Variants in KATNIP observed in about 807,000 individuals in gnomAD.
The protein encoded by KATNIP is katanin-interacting protein.
A neutral mutation model predicts 174.0 loss-of-function variants in KATNIP; 126 were observed. The observed-to-expected ratio is 0.72, with a 90% CI of 0.63 to 0.84. The LOEUF (loss-of-function observed/expected upper bound fraction) is 0.84. KATNIP is among the 40% of genes least tolerant of loss of function. The pLI, the probability that KATNIP is intolerant of heterozygous loss-of-function variation, is 0.00. For synonymous variants in KATNIP, 810 were observed against 835.7 expected, an observed-to-expected ratio of 0.97 and a Z score of 0.53; for missense variants, 1,958 against 2,109.7, an observed-to-expected ratio of 0.93 and a Z score of 1.41.
chr16:27,703,969 C>A lies in KATNIP; in HGVS notation c.1360C>A (p.Pro454Thr). The change falls in exon 12 of 28, where the codon CCA (proline) becomes ACA (threonine). Residue 454 changes from proline (P) to threonine (T), a missense_variant. Physicochemically the swap from Pro to Thr is conservative, Grantham distance 38. Coordinates refer to ENST00000261588, the MANE Select transcript of KATNIP (RefSeq NM_015202.5). ...TGCCCATCTCGGCAGGGTGGTTTCA[C>A]CAACCAAGGAGCAAGTATCAGACAC... is the stretch of plus-strand genomic sequence containing the variant. ...DSAHLGRVVSPTKEQVSDTED... is the reference protein window; with the variant it reads ...DSAHLGRVVSTTKEQVSDTED... 1 of 1,614,184 alleles carries A rather than the reference C, an allele frequency of 6.2e-7. No homozygotes were observed. The highest frequency in any genetic ancestry group is 2.2e-5 in the East Asian group (1 of 44,888).
At chr16:27,697,875 A>G (rs2078969935) in intron 8 of KATNIP, among the ~76,000 whole-genome samples, 1 of 151,918 alleles carries the variant, frequency 6.6e-6, no homozygotes, top group South Asian at 2.1e-4. Context: ...TTACTCCTGA[A>G]CTGTGTGTGT....
At chr16:27,655,174 A>C (rs1007841457) in intron 6 of KATNIP, among the ~76,000 whole-genome samples, 1 of 69,082 alleles carries the variant, frequency 1.4e-5, no homozygotes, top group African/African-American at 5.3e-5. Context: ...ACCCCCTAGA[A>C]TGGATATATA....
At chr16:27,627,895 C>G (rs1329422325) in intron 3 of KATNIP, among the ~76,000 whole-genome samples, 1 of 152,162 alleles carries the variant, frequency 6.6e-6, no homozygotes, top group African/African-American at 2.4e-5. Context: ...GAAGAAGACA[C>G]TGTACTCTGC....
At chr16:27,742,325 C>T (rs1456214619) in intron 15 of KATNIP, among the ~76,000 whole-genome samples, 1 of 152,192 alleles carries the variant, frequency 6.6e-6, no homozygotes, top group East Asian at 1.9e-4. Flanking sequence ...TATGACTTCC[C>T]CACCCAGTGT....
intron 3 of KATNIP, among the ~76,000 whole-genome samples, chr16:27,625,424 A>G (rs369388671): frequency 2.6e-5 from 4 of 152,306 alleles, no homozygotes; most frequent in African/African-American, 9.6e-5. Context: ...CAGGCCTCCC[A>G]GGACCTAGGC....
At chr16:27,565,865 G>C (rs2090070653) in intron 1 of KATNIP, among the ~76,000 whole-genome samples, 1 of 151,690 alleles carries the variant, frequency 6.6e-6, no homozygotes, top group Admixed American at 6.6e-5. Context: ...TATGTACTGA[G>C]TTGGAAACTA....
At chr16:27,737,100 A>G (rs1359084470) in intron 14 of KATNIP, among the ~76,000 whole-genome samples, 1 of 152,202 alleles carries the variant, frequency 6.6e-6, no homozygotes, top group East Asian at 1.9e-4. Context: ...CAGGCACACC[A>G]GGCACATTGA....
intron 14 of KATNIP, among the ~76,000 whole-genome samples, chr16:27,739,364 C>T (rs2081018538): frequency 6.6e-6 from 1 of 152,114 alleles, no homozygotes; most frequent in Non-Finnish European, 1.5e-5. Context: ...GCAGAGGGCC[C>T]CCGTGGGAAG....
chr16:27,626,440 T>A (rs1018573623), intron 3 of KATNIP, among the ~76,000 whole-genome samples: 5 of 152,180 alleles, frequency 3.3e-5, no homozygotes, highest in African/African-American at 1.2e-4. Context: ...TCATACTACT[T>A]CTGAGAAGGT....
intron 15 of KATNIP, among the ~76,000 whole-genome samples, chr16:27,745,998 T>C (rs1444442529): frequency 7.1e-6 from 1 of 141,756 alleles, no homozygotes; most frequent in Non-Finnish European, 1.5e-5. Context: ...GGAGTCTTGC[T>C]ATGTCACCCA....
chr16:27,703,098 C>T (rs1207728696), intron 11 of KATNIP, among the ~76,000 whole-genome samples: 1 of 151,680 alleles, frequency 6.6e-6, no homozygotes, highest in Non-Finnish European at 1.5e-5. Flanking sequence ...ACCCCAGAGG[C>T]AGAGGTTGTA....
chr16:27,697,113 C>A (rs890205018), intron 8 of KATNIP, among the ~76,000 whole-genome samples: 1 of 152,180 alleles, frequency 6.6e-6, no homozygotes, highest in Non-Finnish European at 1.5e-5. Flanking sequence ...GCTAGATGAA[C>A]AGACATGTGC....
In KATNIP at chr16:27,725,809, G is replaced by A. The variant is rs1313627438; in HGVS notation, c.1743+4114G>A. On this transcript the variant is annotated intron_variant, in intron 14 of 27. Coordinates refer to ENST00000261588, the MANE Select transcript of KATNIP (RefSeq NM_015202.5). The stretch of plus-strand genomic sequence containing the variant: ...TCCACAGCGTCACCACGCAAGTGCC[G>A]CCTCCAGCCTGGTCACACCAGGAAG... Among the ~76,000 whole-genome samples the A allele has an allele frequency of 4.6e-5, 7 of 152,272 alleles. No homozygotes were observed. In the East Asian group the frequency reaches 9.6e-4, roughly 21 times the overall value.
Position 27,771,694 on chromosome 16 carries a change from G to A in KATNIP, c.4198+42G>A, listed in dbSNP as rs74013513. 1,764 of 1,601,580 alleles carry A rather than the reference G, an allele frequency of 1.1e-3. 25 individuals are homozygous for A. The African/African-American group carries it at 0.021, about 19-fold the overall frequency. On this transcript the variant is annotated intron_variant, in intron 22 of 27. Transcript: ENST00000261588. ...GCCCCACCAGCACATTCTGGGCCCC[G>A]AGGCAGCGCCTGGGCCGCAACTGCC...
intron 8 of KATNIP, among the ~76,000 whole-genome samples, chr16:27,692,813 C>T (rs1341422219): frequency 2.0e-5 from 3 of 152,188 alleles, no homozygotes; most frequent in Non-Finnish European, 4.4e-5. Context: ...CCCGTTCCTC[C>T]GACCCCTGTA....
intron 3 of KATNIP, among the ~76,000 whole-genome samples, chr16:27,620,325 C>T (rs1365554758): frequency 6.6e-6 from 1 of 152,184 alleles, no homozygotes; most frequent in Non-Finnish European, 1.5e-5. Flanking sequence ...GGTGAAATCT[C>T]AAAGGCACCT....
intron 8 of KATNIP, 44 bp from the exon 9 acceptor site, chr16:27,698,284 G>A (rs375138237): frequency 1.8e-4 from 278 of 1,565,328 alleles, no homozygotes; most frequent in Admixed American, 4.1e-4. Context: ...GCTGCACTCC[G>A]AGAATATAAT....
intron 2 of KATNIP, among the ~76,000 whole-genome samples, chr16:27,585,705 G>T (rs1338861553): frequency 6.6e-6 from 1 of 152,178 alleles, no homozygotes; most frequent in Non-Finnish European, 1.5e-5. Flanking sequence ...ACTTATTTAT[G>T]GGAGCTAAAA....
intron 5 of KATNIP, among the ~76,000 whole-genome samples, chr16:27,646,866 C>A (rs548233522): frequency 6.6e-6 from 1 of 152,330 alleles, no homozygotes; most frequent in African/African-American, 2.4e-5. Flanking sequence ...CTCTGACCAT[C>A]CTCCAGATGT....
Sources: gnomAD v4.1 joint callset for allele counts (sites outside exome capture counted in the v4.1 genomes callset) on GRCh38, gnomAD v4.1.1 for gene constraint, MANE v1.5 for transcripts, NCBI Gene and HGNC (gene_info 2026-07-23, HGNC 2026-07-21) for gene names.